The following KCNIP1 variants were observed in gnomAD, a reference collection of about 807,000 sequenced individuals.
KCNIP1 encodes A-type potassium channel modulatory protein KCNIP1.
KCNIP1 carries 18 observed loss-of-function variants against 33.0 expected under a neutral mutation model. The ratio of observed to expected loss-of-function variants is 0.55; its 90% CI spans 0.38 to 0.81. The LOEUF is 0.81. Ranked by LOEUF, KCNIP1 falls within the 30% of genes least tolerant of loss-of-function variation. The probability of loss-of-function intolerance (pLI) is 0.00; values close to 1 mark genes in which losing one functional copy is unlikely to be tolerated. For synonymous variants in KCNIP1, 93 were observed against 98.3 expected (o/e 0.95, Z 0.32); for missense variants, 238 against 271.6 (o/e 0.88, Z 0.87).
At chr5:170,444,699 T>TAA (rs111942720) in intron 1 of KCNIP1, among the ~76,000 whole-genome samples, 64 of 146,310 alleles carry the variant, frequency 4.4e-4, no homozygotes, top group East Asian at 1.2e-3. Flanking sequence ...TTTCTTTTTT[T>TAA]AAAAAAAAAA....
chr5:170,597,803 ATATATATATATATAT>A (rs1280701949), intron 1 of KCNIP1, among the ~76,000 whole-genome samples: 6 of 2,210 alleles, frequency 2.7e-3, no homozygotes, highest in Non-Finnish European at 5.2e-3. Context: ...ATATATATAT[ATATATATATATATAT>A]ATATATATAT....
At chr5:170,463,972 G>A (rs1011832101) in intron 1 of KCNIP1, among the ~76,000 whole-genome samples, 1 of 152,024 alleles carries the variant, frequency 6.6e-6, no homozygotes, top group African/African-American at 2.4e-5. Flanking sequence ...CAAGGTTACA[G>A]GATATAAAAT....
At chr5:170,617,221 G>C in intron 1 of KCNIP1, among the ~76,000 whole-genome samples, 1 of 152,094 alleles carries the variant, frequency 6.6e-6, no homozygotes, top group South Asian at 2.1e-4. Flanking sequence ...CCTGCAAAGC[G>C]TCAGCACTCA....
intron 1 of KCNIP1, among the ~76,000 whole-genome samples, chr5:170,426,374 G>T (rs1270949857): frequency 6.6e-6 from 1 of 152,004 alleles, no homozygotes; most frequent in Non-Finnish European, 1.5e-5. Flanking sequence ...TATCCTCTTT[G>T]TTTCATTTTC....
intron 1 of KCNIP1, among the ~76,000 whole-genome samples, chr5:170,632,288 G>A (rs116307382): frequency 0.02 from 3,101 of 152,270 alleles, 86 homozygotes; most frequent in African/African-American, 0.069. Flanking sequence ...TCCCACCAAC[G>A]CCACGTGGAT....
intron 1 of KCNIP1, among the ~76,000 whole-genome samples, chr5:170,486,915 G>A (rs112008439): frequency 6.6e-4 from 100 of 152,262 alleles, no homozygotes; most frequent in African/African-American, 2.4e-3. Flanking sequence ...CCTCATTAAT[G>A]AACATTTCTA....
At chr5:170,589,101 C>T (rs903272256) in intron 1 of KCNIP1, among the ~76,000 whole-genome samples, 7 of 150,926 alleles carry the variant, frequency 4.6e-5, no homozygotes, top group Non-Finnish European at 1.0e-4. Flanking sequence ...TGGGTTCACA[C>T]CATTCTCCTG....
chr5:170,677,348 C>T (rs527882331), intron 1 of KCNIP1, among the ~76,000 whole-genome samples: 159 of 152,260 alleles, frequency 1.0e-3, no homozygotes, highest in Non-Finnish European at 1.9e-3. Context: ...TGCCACACTC[C>T]CACTTACTGG....
At chr5:170,450,622 C>T (rs1756226055) in intron 1 of KCNIP1, among the ~76,000 whole-genome samples, 1 of 152,114 alleles carries the variant, frequency 6.6e-6, no homozygotes, top group African/African-American at 2.4e-5. Flanking sequence ...TCATTCCTGC[C>T]CCTGTAAACC....
chr5:170,684,443 C>T (rs1762470825), intron 1 of KCNIP1, among the ~76,000 whole-genome samples: 1 of 152,190 alleles, frequency 6.6e-6, no homozygotes, highest in Non-Finnish European at 1.5e-5. Context: ...CAGCATCACT[C>T]CAATCTCAGC....
intron 1 of KCNIP1, among the ~76,000 whole-genome samples, chr5:170,534,361 A>C (rs1755890330): frequency 6.6e-6 from 1 of 152,124 alleles, no homozygotes; most frequent in African/African-American, 2.4e-5. Flanking sequence ...TGAAAGGATC[A>C]CCTGAGCAGG....
At chr5:170,520,047 AC>A (rs1452104331) in intron 1 of KCNIP1, among the ~76,000 whole-genome samples, 10 of 152,064 alleles carry the variant, frequency 6.6e-5, no homozygotes, top group African/African-American at 2.4e-4. Context: ...TTCTAGTACC[AC>A]CCTGCGACTC....
chr5:170,682,082 G>A (rs551495166), intron 1 of KCNIP1, among the ~76,000 whole-genome samples: 27 of 152,272 alleles, frequency 1.8e-4, no homozygotes, highest in Admixed American at 1.0e-3. Context: ...TGACAAAACC[G>A]TACATAATAA....
In KCNIP1 at chr5:170,603,231, T is replaced by C. The variant is rs144143594; in HGVS notation, c.61+98598T>C. On this transcript the variant is annotated intron_variant, in intron 1 of 7. Transcript: ENST00000328939. ...TGGCTCACAAGTCATAGCAGGGAAG[T>C]AATTTACAGGAATTCAAAGTGTCGC... Among the ~76,000 whole-genome samples the C allele has an allele frequency of 9.8e-3, 1,500 of 152,292 alleles. 17 individuals are homozygous for C. The highest frequency in any genetic ancestry group is 0.014 in the Non-Finnish European group (970 of 68,028).
intron 1 of KCNIP1, among the ~76,000 whole-genome samples, chr5:170,683,117 G>A (rs530101777): frequency 6.6e-6 from 1 of 152,198 alleles, no homozygotes; most frequent in Admixed American, 6.5e-5. Flanking sequence ...TAAGGTGAAA[G>A]GTAGAGAACA....
At chr5:170,407,046 G>T (rs985419361) in intron 1 of KCNIP1, among the ~76,000 whole-genome samples, 1 of 152,222 alleles carries the variant, frequency 6.6e-6, no homozygotes, top group African/African-American at 2.4e-5. Flanking sequence ...AGCTAATGGA[G>T]TCCTCAGAGC....
chr5:170,648,098 T>A (rs1760865316), intron 1 of KCNIP1, among the ~76,000 whole-genome samples: 1 of 152,220 alleles, frequency 6.6e-6, no homozygotes, highest in Admixed American at 6.5e-5. Context: ...ACTCATAGAA[T>A]GGCCAATATC....
At position 170,482,838 on chromosome 5, in the gene KCNIP1, C is replaced by T. The variant is rs933860959; in HGVS notation, c.88+128874C>T. Reference sequence around the variant, plus strand: ...CCAATTCTGCCTTCCACTGAAACAGCGCTGGTGATGTTTAGAGGTATGAGT... The same window carrying T: ...CCAATTCTGCCTTCCACTGAAACAGTGCTGGTGATGTTTAGAGGTATGAGT... On this transcript the variant is annotated intron_variant, in intron 1 of 7. Coordinates refer to the KCNIP1 transcript ENST00000377360. Among the ~76,000 whole-genome samples, 3 of 152,122 alleles carry T rather than the reference C, an allele frequency of 2.0e-5. No individual in the cohort carries two copies. The South Asian group carries it at 6.2e-4, about 32-fold the overall frequency.
chr5:170,712,939 G>A, intron 1 of KCNIP1: 1 of 1,444,658 alleles, frequency 6.9e-7, no homozygotes, highest in Non-Finnish European at 9.8e-7. Context: ...TGCAAAGGCA[G>A]AGCTTCTTAA....
Sources: gnomAD v4.1 joint callset for allele counts (sites outside exome capture counted in the v4.1 genomes callset) on GRCh38, gnomAD v4.1.1 for gene constraint, MANE v1.5 for transcripts, NCBI Gene and HGNC (gene_info 2026-07-23, HGNC 2026-07-21) for gene names.